The following CORO6 variants were observed in gnomAD, a reference collection of about 807,000 sequenced individuals.
The protein encoded by CORO6 is coronin 6, also known as coronin-6.
A neutral mutation model predicts 49.0 loss-of-function variants in CORO6; 43 were observed. The observed-to-expected ratio is 0.88, with a 90% CI of 0.69 to 1.13. CORO6 has a LOEUF of 1.13. Ranked by LOEUF, CORO6 falls within the 50% of genes most tolerant of loss-of-function variation. The pLI is 0.00. For synonymous variants in CORO6, 233 were observed against 256.5 expected (o/e 0.91, Z 0.88); for missense variants, 650 against 647.0 (o/e 1.00, Z -0.05).
chr17:29,621,770 C>T lies in CORO6; in HGVS notation c.-63-286G>A. 3.4e-6 allele frequency: 1 copy of T among 290,556 alleles called. No homozygotes were observed. Among genetic ancestry groups the T allele is most frequent in the Non-Finnish European group, 6.7e-6 (1 of 149,484 alleles). 18.0% of individuals were successfully genotyped at this position (290,556 alleles called of 1,614,324 possible). ...TTTTGGGAGGAGCCTCAATGCCACA[C>T]TGCCTGCACCCCCCGCCCCCACCAC... On this transcript the variant is annotated intron_variant, in intron 1 of 10. Transcript: ENST00000388767. The surrounding 1 kb of genome is among the most constrained non-coding windows in gnomAD (Gnocchi z 4.2).
At chr17:29,617,809 G>T in intron 5 of CORO6, 190 bp from the exon 6 acceptor site, 1 of 726,354 alleles carries the variant, frequency 1.4e-6, no homozygotes, top group Non-Finnish European at 2.2e-6. Context: ...AGAGCATCCG[G>T]GCCTGGAGAG....
At position 29,622,679 on chromosome 17, in the gene CORO6, G is replaced by T. The variant is rs969876266; in HGVS notation, c.-64+9C>A. On this transcript the variant is annotated intron_variant, in intron 1 of 10. Coordinates refer to ENST00000388767, the MANE Select transcript of CORO6 (RefSeq NM_032854.4). ...CTGCGGTGACGGCCGGGTGTGGGGG[G>T]CTGGGTACCTGGTCCTGAGCGGGCT... 98 of 1,210,592 alleles carry T rather than the reference G, an allele frequency of 8.1e-5. No individual in the cohort carries two copies. Among genetic ancestry groups the T allele is most frequent in the Non-Finnish European group, 1.0e-4 (96 of 941,452 alleles). 75.0% of individuals were successfully genotyped at this position (1,210,592 alleles called of 1,614,324 possible). A position where few individuals can be genotyped will look rare whatever the true frequency, so the allele number is the denominator to read the frequency against.
chr17:29,619,722 C>G lies in CORO6; in HGVS notation c.250G>C (p.Val84Leu). The G allele has an allele frequency of 6.2e-7, 1 of 1,613,326 alleles. No individual in the cohort carries two copies. The highest frequency in any genetic ancestry group is 1.3e-5 in the African/African-American group (1 of 75,052). ...YPLVTGHTAP[V>L]LDIDWCPHND... ...TGTGGACACCAGTCAATATCCAGCA[C>G]AGGGGCAGTGTGCCCAGTGACCAGT... Residue 84 changes from valine to leucine, a missense_variant, in exon 3 of 11, where the codon GTG (valine) becomes CTG (leucine). Val to Leu is a conservative substitution (Grantham distance 32). Coordinates refer to ENST00000388767, the MANE Select transcript of CORO6 (RefSeq NM_032854.4).
At position 29,615,466 on chromosome 17, in the gene CORO6, A is replaced by C; in HGVS notation, c.*266T>G. 1 of 435,902 alleles carries C rather than the reference A, an allele frequency of 2.3e-6. No individual in the cohort carries two copies. The highest frequency in any genetic ancestry group is 4.0e-5 in the South Asian group (1 of 25,182). 27.0% of individuals were successfully genotyped at this position (435,902 alleles called of 1,614,324 possible). A position where few individuals can be genotyped will look rare whatever the true frequency, so the allele number is the denominator to read the frequency against. On this transcript the variant is annotated 3_prime_UTR_variant, in exon 11 of 11. Transcript: ENST00000388767. ...GGACACCACCTCGCCGTGCAGCACC[A>C]TTGCTGAGCCCCCCAGGTTACCCCA... is the stretch of plus-strand genomic sequence containing the variant.
In CORO6 at chr17:29,621,743, G is replaced by A. The variant is rs902610398; in HGVS notation, c.-63-259C>T. 8.4e-5 allele frequency: 29 copies of A among 345,262 alleles called. No homozygotes were observed. The highest frequency in any genetic ancestry group is 6.0e-4 in the African/African-American group (29 of 48,056). The allele number at this position is 345,262 out of a possible 1,614,324, so 21.4% of individuals were successfully genotyped here. A position where few individuals can be genotyped will look rare whatever the true frequency, so the allele number is the denominator to read the frequency against. Reference sequence around the variant, plus strand: ...CTGAAAGCTTTCTGGACGTTGGAATGTTTTTGGGAGGAGCCTCAATGCCAC... The same window carrying A: ...CTGAAAGCTTTCTGGACGTTGGAATATTTTTGGGAGGAGCCTCAATGCCAC... On this transcript the variant is annotated intron_variant, in intron 1 of 10. Coordinates refer to ENST00000388767, the MANE Select transcript of CORO6 (RefSeq NM_032854.4). This position sits in a 1 kb window ranked among gnomAD's most constrained non-coding sequence, Gnocchi z 4.2.
intron 2 of CORO6, 80 bp from the exon 3 acceptor site, chr17:29,619,853 C>T (rs1036874677): frequency 1.5e-5 from 19 of 1,305,930 alleles, no homozygotes; most frequent in East Asian, 7.0e-5. Flanking sequence ...GCTTACATCT[C>T]GATTCCTTAT....
In CORO6 at chr17:29,616,956, G is replaced by A. The variant is rs1052728788; in HGVS notation, c.840C>T (p.Ile280=). 6.2e-7 allele frequency: 1 copy of A among 1,613,690 alleles called. No homozygotes were observed. ...TGAGCACCTTGCCACACAGGTAGAC[G>A]ATGCTGGAGTCGGGATCGTAAAAGG... ...LLPFYDPDSS[I]VYLCGKGDSS... The change falls in exon 7 of 11, where the codon ATC becomes ATT. Residue 280 remains isoleucine (I), a synonymous_variant. Coordinates refer to ENST00000388767, the MANE Select transcript of CORO6 (RefSeq NM_032854.4). This position sits in a 1 kb window ranked among gnomAD's most constrained non-coding sequence, Gnocchi z 5.6.
Position 29,616,830 on chromosome 17 carries a change from C to T in CORO6, c.876G>A (p.Arg292=). The change falls in exon 8 of 11, where the codon CGG becomes CGA. Residue 292 remains arginine (R), a synonymous_variant. Transcript: ENST00000388767. This position sits in a 1 kb window ranked among gnomAD's most constrained non-coding sequence, Gnocchi z 5.6. ...YLCGKGDSSI[R]YFEITDEPPF... is the part of the protein sequence containing the mutation. Reference sequence around the variant, plus strand: ...GCGGCTCGTCGGTAATCTCAAAGTACCGAATGCTGCTGTCGCCCTGCAAAA... The same window carrying T: ...GCGGCTCGTCGGTAATCTCAAAGTATCGAATGCTGCTGTCGCCCTGCAAAA... 1.2e-6 allele frequency: 2 copies of T among 1,613,510 alleles called. No homozygotes were observed. Among genetic ancestry groups the T allele is most frequent in the South Asian group, 2.2e-5 (2 of 91,082 alleles).
rs984299324 is a variant in CORO6, at chr17:29,614,841, G to A, written c.*891C>T. On this transcript the variant is annotated 3_prime_UTR_variant, in exon 11 of 11. Coordinates refer to ENST00000388767, the MANE Select transcript of CORO6 (RefSeq NM_032854.4). ...CCTTCTGAACCTCAGAGTGGAGAGA[G>A]CTCTAGGGTAAGAGGCTGCCTGATG... 6.6e-6 allele frequency: 1 copy of A among 152,372 alleles called. No individual in the cohort carries two copies. Among genetic ancestry groups the A allele is most frequent in the Non-Finnish European group, 1.5e-5 (1 of 68,064 alleles). 9.4% of individuals were successfully genotyped at this position (152,372 alleles called of 1,614,324 possible).
In CORO6 at chr17:29,621,358, C is replaced by T. The variant is rs774422358; in HGVS notation, c.64G>A (p.Asp22Asn). Residue 22 changes from aspartate to asparagine, a missense_variant, in exon 2 of 11, where the codon GAC becomes AAC. Coordinates refer to ENST00000388767, the MANE Select transcript of CORO6 (RefSeq NM_032854.4). The surrounding 1 kb of genome is among the most constrained non-coding windows in gnomAD (Gnocchi z 4.2). Reference sequence around the variant, plus strand: ...ACACGGATGTCCTCGTAGGCCTGGTCGGCCTTTGCTGCCTGCCCAAACACA... The same window carrying T: ...ACACGGATGTCCTCGTAGGCCTGGTTGGCCTTTGCTGCCTGCCCAAACACA... ...RHVFGQAAKA[D>N]QAYEDIRVSK... 1.4e-5 allele frequency: 23 copies of T among 1,613,998 alleles called. No individual in the cohort carries two copies. Among genetic ancestry groups the T allele is most frequent in the Non-Finnish European group, 1.7e-5 (20 of 1,180,014 alleles).
Position 29,621,407 on chromosome 17 carries a change from C to T in CORO6, c.15G>A (p.Val5=), listed in dbSNP as rs1450836110. 2.5e-6 allele frequency: 4 copies of T among 1,610,848 alleles called. No individual in the cohort carries two copies. Among genetic ancestry groups the T allele is most frequent in the Non-Finnish European group, 2.5e-6 (3 of 1,178,502 alleles). Residue 5 remains valine (V), a synonymous_variant, in exon 2 of 11, where the codon GTG becomes GTA. Coordinates refer to ENST00000388767, the MANE Select transcript of CORO6 (RefSeq NM_032854.4). This position sits in a 1 kb window ranked among gnomAD's most constrained non-coding sequence, Gnocchi z 4.2. MSRR[V]VRQSKFRHVF... ...CATGGCGGAACTTGCTTTGCCGAAC[C>T]ACACGTCTGCTCATAGCTGCAGGCA...
In CORO6 at chr17:29,619,195, T is replaced by A; in HGVS notation, c.322-6A>T. On this transcript the variant is annotated splice_region_variant and splice_polypyrimidine_tract_variant and intron_variant, in intron 3 of 10. Coordinates refer to ENST00000388767, the MANE Select transcript of CORO6 (RefSeq NM_032854.4). ...TAGTCTGGAATCTGCCACACCTGGG[T>A]AGGAAGAAAAGGTATATGGTGGGTG... The A allele has an allele frequency of 1.2e-5, 19 of 1,612,976 alleles. No homozygotes were observed. Among genetic ancestry groups the A allele is most frequent in the Non-Finnish European group, 1.6e-5 (19 of 1,179,770 alleles).
At position 29,621,431 on chromosome 17, in the gene CORO6, C is replaced by G. The variant is rs775400353; in HGVS notation, c.-10G>C. ...CCACACGTCTGCTCATAGCTGCAGG[C>G]AGAGAGGTAGGATCTCAGTGCCCAG... On this transcript the variant is annotated 5_prime_UTR_variant, in exon 2 of 11. Coordinates refer to ENST00000388767, the MANE Select transcript of CORO6 (RefSeq NM_032854.4). The surrounding 1 kb of genome is among the most constrained non-coding windows in gnomAD (Gnocchi z 4.2). The G allele has an allele frequency of 6.3e-7, 1 of 1,596,470 alleles. No individual in the cohort carries two copies. Among genetic ancestry groups the G allele is most frequent in the East Asian group, 2.3e-5 (1 of 44,068 alleles).
At chr17:29,620,840 A>C (rs114944698) in intron 2 of CORO6, among the ~76,000 whole-genome samples, 195 of 152,316 alleles carry the variant, frequency 1.3e-3, no homozygotes, top group African/African-American at 4.5e-3. Context: ...TCAAATGGTC[A>C]TCTTGGGCTA....
Position 29,616,550 on chromosome 17 carries a change from G to C in CORO6, c.1004+152C>G, listed in dbSNP as rs1341613497. On this transcript the variant is annotated intron_variant, in intron 8 of 10. Coordinates refer to ENST00000388767, the MANE Select transcript of CORO6 (RefSeq NM_032854.4). The surrounding 1 kb of genome is among the most constrained non-coding windows in gnomAD (Gnocchi z 5.6). ...CTGAAGTTGAGAATGTAAGGCTAGT[G>C]AGCGGTGGGTCTGGCACTGAAACAG... is the stretch of plus-strand genomic sequence containing the variant. 1 of 1,036,504 alleles carries C rather than the reference G, an allele frequency of 9.6e-7. No homozygotes were observed. The highest frequency in any genetic ancestry group is 1.4e-6 in the Non-Finnish European group (1 of 705,302). 64.2% of individuals were successfully genotyped at this position (1,036,504 alleles called of 1,614,324 possible).
chr17:29,617,511 G>A lies in CORO6; in HGVS notation c.742C>T (p.Leu248=), dbSNP rs756147390. The change falls in exon 6 of 11, where the codon CTG becomes TTG. Residue 248 remains leucine (L), a synonymous_variant. Coordinates refer to ENST00000388767, the MANE Select transcript of CORO6 (RefSeq NM_032854.4). ...FTRMSQRELG[L]WDPNNFEEPV... The stretch of plus-strand genomic sequence containing the variant: ...TCCAGCTGCGTTACCGGGTCCCACA[G>A]GCCCAGCTCTCGCTGGCTCATGCGG... 3.1e-6 allele frequency: 5 copies of A among 1,609,684 alleles called. No individual in the cohort carries two copies. The African/African-American group carries it at 6.7e-5, about 21-fold the overall frequency.
At chr17:29,618,699 G>A in intron 5 of CORO6, 91 bp downstream of exon 5, 2 of 1,484,800 alleles carry the variant, frequency 1.3e-6, no homozygotes, top group Non-Finnish European at 1.8e-6. Flanking sequence ...TGAAAGCCGG[G>A]ACCAGGGGCT....
Position 29,616,054 on chromosome 17 carries a change from T to C in CORO6, c.1184A>G (p.Tyr395Cys). The part of the protein sequence containing the change: ...EPVLISLRDG[Y>C]VPPKHRELRV... ...GAGCTCGCGGTGCTTGGGGGGCACATAGCCGTCCCTCAGCGAAATGAGCAC... is the reference window on the plus strand; with the variant it reads ...GAGCTCGCGGTGCTTGGGGGGCACACAGCCGTCCCTCAGCGAAATGAGCAC... Residue 395 changes from tyrosine (Y) to cysteine (C), a missense_variant, in exon 10 of 11, where the codon TAT (tyrosine) becomes TGT (cysteine). Physicochemically the swap from Tyr to Cys is radical, Grantham distance 194. Coordinates refer to ENST00000388767, the MANE Select transcript of CORO6 (RefSeq NM_032854.4). This position sits in a 1 kb window ranked among gnomAD's most constrained non-coding sequence, Gnocchi z 5.6. 1.2e-6 allele frequency: 2 copies of C among 1,612,492 alleles called. No individual in the cohort carries two copies. Among genetic ancestry groups the C allele is most frequent in the Non-Finnish European group, 1.7e-6 (2 of 1,179,856 alleles).
At position 29,621,504 on chromosome 17, in the gene CORO6, T is replaced by C. The variant is rs1567811888; in HGVS notation, c.-63-20A>G. ...TGTGAGCTGCGGGAGGGAGGAGGAG[T>C]GGAGGGGTGGCTGATGAGAAGGGTT... On this transcript the variant is annotated intron_variant, in intron 1 of 10. Transcript: ENST00000388767. The surrounding 1 kb of genome is among the most constrained non-coding windows in gnomAD (Gnocchi z 4.2). 1.3e-6 allele frequency: 2 copies of C among 1,534,922 alleles called. No homozygotes were observed. Among genetic ancestry groups the C allele is most frequent in the Non-Finnish European group, 1.8e-6 (2 of 1,136,712 alleles).
Sources: gnomAD v4.1 joint callset for allele counts (sites outside exome capture counted in the v4.1 genomes callset) on GRCh38, gnomAD v4.1.1 for gene constraint, Gnocchi (gnomAD v3.1) non-coding constraint, MANE v1.5 for transcripts, NCBI Gene and HGNC (gene_info 2026-07-23, HGNC 2026-07-21) for gene names.